Variants in NECAB2 observed in about 807,000 individuals in gnomAD.
The protein encoded by NECAB2 is N-terminal EF-hand calcium-binding protein 2.
Under a neutral mutation model 51.9 loss-of-function variants are expected in NECAB2, and 68 were observed. That is an observed-to-expected ratio of 1.31 (90% CI 1.08 to 1.60). The LOEUF (loss-of-function observed/expected upper bound fraction) is 1.60, where lower values mean the gene tolerates loss of function less well. Ranked by LOEUF, NECAB2 falls within the 40% of genes most tolerant of loss-of-function variation. The pLI is 0.00. For synonymous variants in NECAB2, 329 were observed against 203.5 expected (o/e 1.62, Z -5.25); for missense variants, 854 against 490.3 (o/e 1.74, Z -7.00).
chr16:83,965,509 C>A (rs371152968), upstream of NECAB2: 1 of 1,612,098 alleles, frequency 6.2e-7, no homozygotes, highest in Non-Finnish European at 8.5e-7. Flanking sequence ...TCCCGGTGAT[C>A]CATGCCTTCC....
chr16:83,997,134 C>T, intron 8 of NECAB2, 82 bp from the exon 9 acceptor site: 5 of 1,568,696 alleles, frequency 3.2e-6, no homozygotes, highest in Non-Finnish European at 3.5e-6. Context: ...CTCCCAACAG[C>T]CCCAGGGATC....
At chr16:83,965,444 A>G, upstream of NECAB2, 1 of 1,595,218 alleles carries the variant, frequency 6.3e-7, no homozygotes, top group Non-Finnish European at 8.5e-7. Flanking sequence ...TGTCCTCATC[A>G]TTGGCGCGGG....
At chr16:83,976,264 G>A (rs111913836) in intron 2 of NECAB2, among the ~76,000 whole-genome samples, 4 of 152,238 alleles carry the variant, frequency 2.6e-5, no homozygotes, top group African/African-American at 9.6e-5. Flanking sequence ...CCCTGGATTA[G>A]GTTGAGAGCC....
At chr16:83,975,957 A>T (rs1396576178) in intron 2 of NECAB2, among the ~76,000 whole-genome samples, 1 of 152,126 alleles carries the variant, frequency 6.6e-6, no homozygotes, top group Non-Finnish European at 1.5e-5. Flanking sequence ...GGCGTTCAGG[A>T]TAAATGTCAG....
chr16:83,999,894 T>C (rs1334678572), intron 10 of NECAB2, among the ~76,000 whole-genome samples: 1 of 131,922 alleles, frequency 7.6e-6, no homozygotes, highest in African/African-American at 4.3e-5. Context: ...TTTTAAAGGT[T>C]TTTTGAGACC....
chr16:83,999,517 T>TC (rs1313109295), intron 10 of NECAB2, among the ~76,000 whole-genome samples: 30 of 152,026 alleles, frequency 2.0e-4, no homozygotes, highest in African/African-American at 7.0e-4. Flanking sequence ...CGGAGGTGTG[T>TC]CCACCCCAAG....
intron 5 of NECAB2, among the ~76,000 whole-genome samples, chr16:83,981,694 C>T (rs951507400): frequency 1.3e-5 from 2 of 152,076 alleles, no homozygotes; most frequent in African/African-American, 4.8e-5. Context: ...GAAACTGAGT[C>T]AGGGACCTGG....
intron 5 of NECAB2, among the ~76,000 whole-genome samples, chr16:83,987,489 C>G (rs150794736): frequency 6.6e-6 from 1 of 152,102 alleles, no homozygotes; most frequent in Admixed American, 6.6e-5. Context: ...AAAGAAAATT[C>G]AAATCGCTTC....
chr16:84,000,531 C>G (rs544152134), intron 10 of NECAB2, among the ~76,000 whole-genome samples, 193 bp from the exon 11 acceptor site: 2 of 152,250 alleles, frequency 1.3e-5, no homozygotes, highest in Middle Eastern at 6.8e-3. Flanking sequence ...TAGCTGTTGG[C>G]CACTATAAGA....
chr16:83,985,655 T>C (rs2084543920), intron 5 of NECAB2, among the ~76,000 whole-genome samples: 1 of 151,976 alleles, frequency 6.6e-6, no homozygotes, highest in Non-Finnish European at 1.5e-5. Flanking sequence ...AAAAAATTAC[T>C]GTTGGCGTTC....
At position 83,975,155 on chromosome 16, in the gene NECAB2, G is replaced by A. The variant is rs566327216; in HGVS notation, c.226+2980G>A. Among the ~76,000 whole-genome samples, 27 of 142,262 alleles carry A rather than the reference G, an allele frequency of 1.9e-4. No individual in the cohort carries two copies. The South Asian group carries it at 5.5e-3, about 29-fold the overall frequency. The allele number at this position is 142,262 out of a possible 152,430, so 93.3% of individuals were successfully genotyped here. On this transcript the variant is annotated intron_variant, in intron 2 of 12. Transcript: ENST00000305202. ...GCAGGGATGAGAGCAGGTGTGCAGGGAGGTGTGGGTGCAGGGATGGGAACA... is the reference window on the plus strand; with the variant it reads ...GCAGGGATGAGAGCAGGTGTGCAGGAAGGTGTGGGTGCAGGGATGGGAACA...
chr16:83,983,661 C>T (rs536976286), intron 5 of NECAB2, among the ~76,000 whole-genome samples: 25 of 152,256 alleles, frequency 1.6e-4, no homozygotes, highest in African/African-American at 5.1e-4. Flanking sequence ...CAATCCTTCG[C>T]TCCCTGTGAT....
At chr16:83,965,750 C>CT, upstream of NECAB2, 1 of 1,613,504 alleles carries the variant, frequency 6.2e-7, no homozygotes, top group Non-Finnish European at 8.5e-7. Flanking sequence ...CTCCCTGGTG[C>CT]TGGTCCTCAT....
chr16:83,968,655 G>C lies in NECAB2; in HGVS notation c.7G>C (p.Glu3Gln). ...CGGCGGCGGGCGCGGCGCGATGTGC[G>C]AGCGGGCGGCGCGCCTGTGCAGGGC... The part of the protein sequence containing the change: MC[E>Q]RAARLCRAGA... The change falls in exon 1 of 13, where the codon GAG (glutamate) becomes CAG (glutamine). Residue 3 changes from glutamate to glutamine, a missense_variant. Physicochemically the swap from Glu to Gln is conservative, Grantham distance 29 (BLOSUM62 2). Transcript: ENST00000305202. 3.1e-6 allele frequency: 3 copies of C among 981,048 alleles called. No individual in the cohort carries two copies. The highest frequency in any genetic ancestry group is 3.6e-6 in the Non-Finnish European group (3 of 828,656). 60.8% of individuals were successfully genotyped at this position (981,048 alleles called of 1,614,324 possible). A position where few individuals can be genotyped will look rare whatever the true frequency, so the allele number is the denominator to read the frequency against.
intron 3 of NECAB2, among the ~76,000 whole-genome samples, chr16:83,980,028 C>A (rs2084464680): frequency 6.6e-6 from 1 of 152,194 alleles, no homozygotes; most frequent in African/African-American, 2.4e-5. Flanking sequence ...CATGCAGAGC[C>A]CCCGAGTGCA....
At chr16:83,972,036 C>A in intron 1 of NECAB2, 115 bp from the exon 2 acceptor site, 3 of 1,440,210 alleles carry the variant, frequency 2.1e-6, no homozygotes, top group South Asian at 2.4e-5. Context: ...GCTCAGCTTC[C>A]CAGGACCCTA....
At chr16:83,988,091 C>T (rs552702484) in intron 5 of NECAB2, among the ~76,000 whole-genome samples, 12 of 152,186 alleles carry the variant, frequency 7.9e-5, no homozygotes, top group Non-Finnish European at 1.3e-4. Flanking sequence ...ACAGGCTTTT[C>T]TTCATAAGTC....
chr16:83,984,272 G>C (rs1315551420), intron 5 of NECAB2, among the ~76,000 whole-genome samples: 1 of 151,902 alleles, frequency 6.6e-6, no homozygotes, highest in South Asian at 2.1e-4. Context: ...TGGGATTACA[G>C]GCGTGAGCCA....
rs749045288 is a variant in NECAB2 at position 83,990,453 on chromosome 16, C to A, written c.460-41C>A. 1.9e-6 allele frequency: 3 copies of A among 1,607,720 alleles called. No homozygotes were observed. The East Asian group carries it at 6.7e-5, about 36-fold the overall frequency. The stretch of plus-strand genomic sequence containing the variant: ...CTAGACCCCACCTCCAATTTCCCTC[C>A]CACCCCTTTCCCCTCAGTGCCTCTT... On this transcript the variant is annotated intron_variant, in intron 5 of 12. Coordinates refer to ENST00000305202, the MANE Select transcript of NECAB2 (RefSeq NM_019065.3).
Sources: gnomAD v4.1 joint callset for allele counts (sites outside exome capture counted in the v4.1 genomes callset) on GRCh38, gnomAD v4.1.1 for gene constraint, MANE v1.5 for transcripts, NCBI Gene and HGNC (gene_info 2026-07-23, HGNC 2026-07-21) for gene names.